SPAG16: variants seen among roughly 807,000 people sequenced by gnomAD.
SPAG16 encodes the protein sperm associated antigen 16, also known as sperm-associated antigen 16 protein.
SPAG16 carries 86 observed loss-of-function variants against 80.4 expected under a neutral mutation model. The ratio of observed to expected loss-of-function variants is 1.07; its 90% CI spans 0.90 to 1.28. The LOEUF (loss-of-function observed/expected upper bound fraction) is 1.28, where lower values mean the gene tolerates loss of function less well. SPAG16 is among the 50% of genes most tolerant of loss of function. The pLI, the probability that SPAG16 is intolerant of heterozygous loss-of-function variation, is 0.00. For missense variants in SPAG16, 870 were observed against 765.3 expected (o/e 1.14, Z -1.61); for synonymous variants, 294 against 265.9 (o/e 1.11, Z -1.03).
chr2:214,151,749 A>T (rs1240130296), intron 15 of SPAG16, among the ~76,000 whole-genome samples: 1 of 151,588 alleles, frequency 6.6e-6, no homozygotes, highest in African/African-American at 2.4e-5. Flanking sequence ...TATTTGTCAC[A>T]ACTTATATAA....
At chr2:213,360,826 G>T (rs1159037958) in intron 7 of SPAG16, among the ~76,000 whole-genome samples, 1 of 152,102 alleles carries the variant, frequency 6.6e-6, no homozygotes, top group Non-Finnish European at 1.5e-5. Context: ...CTTATATTTT[G>T]AATATTTCTT....
intron 13 of SPAG16, among the ~76,000 whole-genome samples, chr2:214,031,890 A>G (rs2048433306): frequency 6.6e-6 from 1 of 152,126 alleles, no homozygotes; most frequent in Admixed American, 6.5e-5. Flanking sequence ...CACTATCACT[A>G]GAACCAAGGG....
intron 13 of SPAG16, among the ~76,000 whole-genome samples, chr2:214,070,819 A>G (rs1208199510): frequency 6.6e-6 from 1 of 152,022 alleles, no homozygotes; most frequent in Non-Finnish European, 1.5e-5. Flanking sequence ...ATTTCTGCAT[A>G]TATATAGTAT....
intron 9 of SPAG16, among the ~76,000 whole-genome samples, chr2:213,436,402 G>C (rs887071836): frequency 5.9e-5 from 9 of 152,108 alleles, no homozygotes. Flanking sequence ...GGGGCAGTTA[G>C]AAAAATGTGT....
At chr2:213,869,761 C>A (rs2075877410) in intron 11 of SPAG16, among the ~76,000 whole-genome samples, 1 of 150,864 alleles carries the variant, frequency 6.6e-6, no homozygotes, top group African/African-American at 2.4e-5. Context: ...ACCACATTTT[C>A]TTTGTAAAAC....
At chr2:214,117,421 T>TA (rs35174487) in intron 14 of SPAG16, among the ~76,000 whole-genome samples, 3 of 151,954 alleles carry the variant, frequency 2.0e-5, no homozygotes, top group East Asian at 3.9e-4. Context: ...ACCAAACATG[T>TA]AAAAAAAGAG....
At chr2:213,810,727 C>T (rs573222361) in intron 10 of SPAG16, among the ~76,000 whole-genome samples, 12 of 152,054 alleles carry the variant, frequency 7.9e-5, no homozygotes, top group Non-Finnish European at 1.5e-4. Context: ...TTTCGTGGTG[C>T]GGAAGTACTA....
chr2:213,887,511 G>GT (rs2076605989), intron 11 of SPAG16, among the ~76,000 whole-genome samples: 1 of 151,832 alleles, frequency 6.6e-6, no homozygotes, highest in African/African-American at 2.4e-5. Context: ...CCTATCAGGT[G>GT]ATGAAACATG....
chr2:213,652,954 T>A (rs2063076891), intron 10 of SPAG16, among the ~76,000 whole-genome samples: 2 of 152,186 alleles, frequency 1.3e-5, no homozygotes, highest in Admixed American at 6.5e-5. Context: ...CCGTGTTTCT[T>A]CTAAAAGTTT....
intron 10 of SPAG16, among the ~76,000 whole-genome samples, chr2:213,729,266 A>G (rs1259571954): frequency 6.6e-6 from 1 of 152,224 alleles, no homozygotes; most frequent in African/African-American, 2.4e-5. Context: ...TGGATAGAAG[A>G]TAGGGTCTGG....
Position 213,481,400 on chromosome 2 carries a change from C to G in SPAG16, c.943-8563C>G. On this transcript the variant is annotated intron_variant, in intron 9 of 15. Transcript: ENST00000331683. ...TGTCCAATTCATTGACTTTTGTCAT[C>G]TTTCAATTAATTGCTTACATTTTTT... 1.3e-5 allele frequency among the ~76,000 whole-genome samples: 2 copies of G among 151,966 alleles called. 1 individual carries two copies. The highest frequency in any genetic ancestry group is 2.9e-5 in the Non-Finnish European group (2 of 68,020).
chr2:213,602,256 A>G (rs1342884151), intron 10 of SPAG16, among the ~76,000 whole-genome samples: 1 of 152,178 alleles, frequency 6.6e-6, no homozygotes, highest in African/African-American at 2.4e-5. Flanking sequence ...TCACCTAATA[A>G]TACATTTTGT....
intron 15 of SPAG16, among the ~76,000 whole-genome samples, chr2:214,157,176 G>A (rs565517752): frequency 3.9e-5 from 6 of 152,244 alleles, no homozygotes; most frequent in African/African-American, 1.2e-4. Flanking sequence ...CCTGGAATGA[G>A]GTATGCTATG....
chr2:214,172,393 A>T (rs1336730346), intron 15 of SPAG16, among the ~76,000 whole-genome samples: 2 of 151,886 alleles, frequency 1.3e-5, no homozygotes, highest in Non-Finnish European at 2.9e-5. Flanking sequence ...ATGATTTCCA[A>T]TTTCATCCAT....
intron 15 of SPAG16, among the ~76,000 whole-genome samples, chr2:214,365,172 C>G (rs1047604081): frequency 3.4e-4 from 51 of 152,098 alleles, no homozygotes; most frequent in African/African-American, 1.1e-3. Flanking sequence ...ATAGGAAATA[C>G]AAGAGGAAGC....
chr2:213,658,961 G>A (rs1168550690), intron 10 of SPAG16, among the ~76,000 whole-genome samples: 3 of 152,018 alleles, frequency 2.0e-5, no homozygotes, highest in East Asian at 1.9e-4. Flanking sequence ...GCTTGCACCC[G>A]GGAGGCAGAG....
At chr2:213,851,759 G>T (rs1053191479) in intron 10 of SPAG16, among the ~76,000 whole-genome samples, 5 of 152,102 alleles carry the variant, frequency 3.3e-5, no homozygotes, top group South Asian at 4.1e-4. Flanking sequence ...AACAAGAAAA[G>T]AAAACTGAAG....
chr2:213,967,136 T>G (rs934210855), intron 12 of SPAG16, among the ~76,000 whole-genome samples: 2 of 152,242 alleles, frequency 1.3e-5, no homozygotes, highest in African/African-American at 4.8e-5. Flanking sequence ...GAGAAACTGT[T>G]ATATTCAATA....
intron 10 of SPAG16, among the ~76,000 whole-genome samples, chr2:213,493,749 T>C (rs1331000566): frequency 6.6e-6 from 1 of 152,200 alleles, no homozygotes; most frequent in Non-Finnish European, 1.5e-5. Flanking sequence ...CTAATTTTTG[T>C]ATTTTTAGAA....
Sources: gnomAD v4.1 joint callset for allele counts (sites outside exome capture counted in the v4.1 genomes callset) on GRCh38, gnomAD v4.1.1 for gene constraint, MANE v1.5 for transcripts, NCBI Gene and HGNC (gene_info 2026-07-23, HGNC 2026-07-21) for gene names.